ABHD12: variants seen among roughly 807,000 people sequenced by gnomAD.
ABHD12 encodes lysophosphatidylserine lipase ABHD12.
Under a neutral mutation model 58.3 loss-of-function variants are expected in ABHD12, and 43 were observed. The ratio of observed to expected loss-of-function variants is 0.74; its 90% CI spans 0.58 to 0.95. The LOEUF (loss-of-function observed/expected upper bound fraction) is 0.95, where lower values mean the gene tolerates loss of function less well. Among genes scored for constraint, ABHD12 ranks in the 40% least tolerant of loss-of-function variants. The pLI, the probability that ABHD12 is intolerant of heterozygous loss-of-function variation, is 0.00. For missense variants in ABHD12, 539 were observed against 537.2 expected (o/e 1.00, Z -0.03); for synonymous variants, 219 against 211.2 (o/e 1.04, Z -0.32).
intron 1 of ABHD12, among the ~76,000 whole-genome samples, chr20:25,347,233 A>C (rs1241536878): frequency 6.6e-6 from 1 of 152,194 alleles, no homozygotes; most frequent in Non-Finnish European, 1.5e-5. Context: ...TAAATAATTA[A>C]GTTTTGCAAG....
intron 1 of ABHD12, among the ~76,000 whole-genome samples, chr20:25,388,187 T>A (rs2090119718): frequency 6.6e-6 from 1 of 151,810 alleles, no homozygotes; most frequent in Non-Finnish European, 1.5e-5. Flanking sequence ...TACTTCCACG[T>A]ATGTCGACAA....
At chr20:25,316,253 A>G (rs2088959901) in intron 5 of ABHD12, among the ~76,000 whole-genome samples, 1 of 151,956 alleles carries the variant, frequency 6.6e-6, no homozygotes. Context: ...TCCGCCTCCC[A>G]GGTTTAAGCA....
chr20:25,308,037 G>A lies in ABHD12; in HGVS notation c.796C>T (p.Pro266Ser). The A allele has an allele frequency of 2.5e-6, 4 of 1,603,122 alleles. No individual in the cohort carries two copies. The highest frequency in any genetic ancestry group is 3.4e-6 in the Non-Finnish European group (4 of 1,169,924). The change falls in exon 9 of 13, where the codon CCA becomes TCA. Residue 266 changes from proline (P) to serine (S), a missense_variant. By Grantham distance (74) the Pro-to-Ser change is moderately conservative. Coordinates refer to ENST00000339157, the MANE Select transcript of ABHD12 (RefSeq NM_001042472.3). ...VRRLCERETP[P>S]DALILESPFT... ...GGAGATTCCAATATAAGGGCATCTG[G>A]AGGCGTCTCTAGATAAACAAACAGG...
intron 1 of ABHD12, among the ~76,000 whole-genome samples, chr20:25,386,608 G>A (rs185136638): frequency 2.0e-5 from 3 of 152,024 alleles, no homozygotes; most frequent in East Asian, 2.0e-4. Flanking sequence ...GGCCAGGTGC[G>A]GTGGCTCACG....
At position 25,308,019 on chromosome 20, in the gene ABHD12, C is replaced by T; in HGVS notation, c.814G>A (p.Glu272Lys). 6.2e-7 allele frequency: 1 copy of T among 1,609,440 alleles called. No individual in the cohort carries two copies. The highest frequency in any genetic ancestry group is 8.5e-7 in the Non-Finnish European group (1 of 1,175,752). ...TCGCGGATATTAGTGAATGGAGATT[C>T]CAATATAAGGGCATCTGGAGGCGTC... ...RETPPDALIL[E>K]SPFTNIREEA... Residue 272 changes from glutamate to lysine, a missense_variant, in exon 9 of 13, where the codon GAA becomes AAA. Glu to Lys is a moderately conservative substitution (Grantham distance 56, BLOSUM62 1). Transcript: ENST00000339157.
chr20:25,310,235 A>AG (rs1200248335), intron 6 of ABHD12: 1 of 152,902 alleles, frequency 6.5e-6, no homozygotes, highest in Non-Finnish European at 1.5e-5. Context: ...GGGGCAGGAC[A>AG]GGGAGTGGAG....
chr20:25,348,102 C>T (rs1254788408), intron 1 of ABHD12, among the ~76,000 whole-genome samples: 5 of 151,532 alleles, frequency 3.3e-5, no homozygotes, highest in South Asian at 4.2e-4. Flanking sequence ...CCCAGCTACT[C>T]GGGAGGCTGA....
At chr20:25,356,828 T>C (rs1334701174) in intron 1 of ABHD12, among the ~76,000 whole-genome samples, 3 of 152,044 alleles carry the variant, frequency 2.0e-5, no homozygotes, top group Non-Finnish European at 4.4e-5. Flanking sequence ...GCATCTCGAA[T>C]GAGGACTGGG....
intron 2 of ABHD12, among the ~76,000 whole-genome samples, chr20:25,335,942 G>C (rs1347845688): frequency 2.0e-5 from 3 of 150,696 alleles, no homozygotes; most frequent in Admixed American, 6.6e-5. Flanking sequence ...ATGTACCCTA[G>C]AATTTAAAGT....
chr20:25,308,795 C>T (rs1012968922), intron 7 of ABHD12, among the ~76,000 whole-genome samples: 10 of 152,210 alleles, frequency 6.6e-5, no homozygotes, highest in Non-Finnish European at 1.2e-4. Context: ...CTGGGGGTGG[C>T]CAGCGTCTGC....
rs2090165019 is a variant in ABHD12, at chr20:25,390,706, C to CGCGGCCGACAGGGCCA, written c.-19_-4dup. 1 of 1,379,212 alleles carries CGCGGCCGACAGGGCCA rather than the reference C, an allele frequency of 7.3e-7. No homozygotes were observed. The highest frequency in any genetic ancestry group is 1.5e-5 in the African/African-American group (1 of 65,540). 85.4% of individuals were successfully genotyped at this position (1,379,212 alleles called of 1,614,324 possible). On this transcript the variant is annotated 5_prime_UTR_variant, in exon 1 of 13. Coordinates refer to ENST00000339157, the MANE Select transcript of ABHD12 (RefSeq NM_001042472.3). ...ACGGGCTCGGTCCGCTTCCTCATCC[C>CGCGGCCGACAGGGCCA]GCGGCCGACAGGGCCAGCCGCCGAC...
chr20:25,298,928 G>C (rs565265297), downstream of ABHD12, among the ~76,000 whole-genome samples: 78 of 152,254 alleles, frequency 5.1e-4, no homozygotes, highest in African/African-American at 1.8e-3. Context: ...TGGTGCCCTG[G>C]GAGTCTCTGC....
At chr20:25,358,238 T>C (rs2089694599) in intron 1 of ABHD12, among the ~76,000 whole-genome samples, 1 of 152,176 alleles carries the variant, frequency 6.6e-6, no homozygotes, top group Non-Finnish European at 1.5e-5. Context: ...AAGTTGCTAA[T>C]AATAGCAGGA....
chr20:25,357,644 T>C (rs552915430), intron 1 of ABHD12, among the ~76,000 whole-genome samples: 8 of 152,322 alleles, frequency 5.3e-5, no homozygotes, highest in African/African-American at 1.9e-4. Flanking sequence ...ATAAATATTA[T>C]GCAACATATA....
At chr20:25,328,488 C>T (rs996305143) in intron 2 of ABHD12, among the ~76,000 whole-genome samples, 1 of 152,212 alleles carries the variant, frequency 6.6e-6, no homozygotes, top group Non-Finnish European at 1.5e-5. Context: ...GAGTGGGCAC[C>T]ACTGAGGGCC....
intron 1 of ABHD12, among the ~76,000 whole-genome samples, chr20:25,351,352 G>A (rs2089598016): frequency 6.6e-6 from 1 of 152,088 alleles, no homozygotes; most frequent in Non-Finnish European, 1.5e-5. Context: ...CATGATTAGT[G>A]CAAAAAAAGG....
chr20:25,336,074 T>C (rs1172014913), intron 2 of ABHD12, among the ~76,000 whole-genome samples: 2 of 152,158 alleles, frequency 1.3e-5, no homozygotes, highest in Non-Finnish European at 2.9e-5. Flanking sequence ...AGATACCTTC[T>C]TGATCTGAAG....
At chr20:25,302,464 T>C in intron 11 of ABHD12, 118 bp from the exon 12 acceptor site, 1 of 1,359,446 alleles carries the variant, frequency 7.4e-7, no homozygotes, top group Non-Finnish European at 1.0e-6. Context: ...CCACATACAC[T>C]GCTTGTTGCC....
At chr20:25,340,627 A>G (rs1007200675) in intron 1 of ABHD12, among the ~76,000 whole-genome samples, 28 of 152,250 alleles carry the variant, frequency 1.8e-4, no homozygotes, top group African/African-American at 5.5e-4. Flanking sequence ...ACCTAGTGGG[A>G]CAAGCTATCT....
Sources: allele counts gnomAD v4.1 joint callset (sites outside exome capture counted in the v4.1 genomes callset), GRCh38; gene constraint gnomAD v4.1.1; transcripts MANE v1.5; gene names NCBI Gene and HGNC (gene_info 2026-07-23, HGNC 2026-07-21).